PHEX: variants seen among roughly 807,000 people sequenced by gnomAD.
PHEX encodes phosphate regulating endopeptidase X-linked.
A neutral mutation model predicts 68.0 loss-of-function variants in PHEX; 16 were observed. The ratio of observed to expected loss-of-function variants is 0.24; its 90% CI spans 0.16 to 0.36. The LOEUF (loss-of-function observed/expected upper bound fraction) is 0.36, where lower values mean the gene tolerates loss of function less well. Among genes scored for constraint, PHEX ranks in the 10% least tolerant of loss-of-function variants. The pLI is 1.00. For synonymous variants in PHEX, 208 were observed against 205.1 expected (o/e 1.01, Z -0.12); for missense variants, 480 against 575.5 (o/e 0.83, Z 1.70).
chrX:22,145,099 A>G (rs1403800153), intron 12 of PHEX, among the ~76,000 whole-genome samples: 1 of 112,167 alleles, frequency 8.9e-6, no homozygotes, highest in Non-Finnish European at 1.9e-5. Flanking sequence ...TCACAATGCC[A>G]CGTTGTCCCA....
chrX:22,051,314 T>C (rs1743838582), intron 3 of PHEX, among the ~76,000 whole-genome samples: 1 of 112,087 alleles, frequency 8.9e-6, no homozygotes, highest in South Asian at 3.7e-4. Flanking sequence ...GTGGATTGCT[T>C]GAGGTCAGGA....
chrX:22,105,244 A>C, intron 9 of PHEX, among the ~76,000 whole-genome samples: 1 of 112,530 alleles, frequency 8.9e-6, no homozygotes, highest in Non-Finnish European at 1.9e-5. Context: ...TCATATATAC[A>C]TTCAAGTTTA....
chrX:22,035,822 C>G (rs1021918810), intron 1 of PHEX, among the ~76,000 whole-genome samples: 3 of 109,802 alleles, frequency 2.7e-5, no homozygotes, highest in Admixed American at 2.0e-4. Flanking sequence ...AAAGTAACAT[C>G]TTAATTTTTA....
At chrX:22,171,399 T>TGGGGATTACAAGTCCCTCCCTC (rs1569418011) in intron 13 of PHEX, 21 of 109,533 alleles carry the variant, frequency 1.9e-4, no homozygotes, top group African/African-American at 6.3e-4. Context: ...GTCCCTCCCT[T>TGGGGATTACAAGTCCCTCCCTC]GACACGTGGG....
chrX:22,169,880 A>G (rs1034560197), intron 13 of PHEX: 1 of 112,553 alleles, frequency 8.9e-6, no homozygotes, highest in African/African-American at 3.2e-5. Context: ...ACCAAGTCTT[A>G]GTATTGTTGG....
At chrX:22,105,003 G>C (rs1302850885) in intron 9 of PHEX, among the ~76,000 whole-genome samples, 1 of 112,512 alleles carries the variant, frequency 8.9e-6, no homozygotes, top group African/African-American at 3.2e-5. Context: ...ATTAAAGTAA[G>C]ATGATTCTTG....
chrX:22,187,806 G>A (rs1934076560), intron 14 of PHEX, among the ~76,000 whole-genome samples: 1 of 111,886 alleles, frequency 8.9e-6, no homozygotes, highest in South Asian at 3.7e-4. Context: ...ATATGTCTAG[G>A]TTTCGGTTTT....
intron 14 of PHEX, among the ~76,000 whole-genome samples, chrX:22,189,975 A>G (rs766583755): frequency 1.8e-5 from 2 of 112,161 alleles, no homozygotes; most frequent in Admixed American, 1.9e-4. Context: ...GACTTTATTC[A>G]TCTTTCTTTA....
intron 5 of PHEX, among the ~76,000 whole-genome samples, chrX:22,080,893 G>A (rs890505828): frequency 1.8e-5 from 2 of 111,556 alleles, no homozygotes; most frequent in African/African-American, 6.5e-5. Context: ...CGTCATTGAC[G>A]TTCAAATGAA....
chrX:22,155,754 A>G (rs1932936724), intron 12 of PHEX, among the ~76,000 whole-genome samples: 2 of 111,907 alleles, frequency 1.8e-5, no homozygotes, highest in African/African-American at 6.5e-5. Flanking sequence ...ATATATTTCT[A>G]TCTTGATGAA....
rs1930340878 is a variant in PHEX at position 22,099,888 on chromosome X, A to G, written c.1079+737A>G. ...ACATTTTCTTATTTGGACTCAGACA[A>G]GGCTATGTTGCCAGAAGTTACGTTT... On this transcript the variant is annotated intron_variant, in intron 9 of 21. Coordinates refer to ENST00000379374, the MANE Select transcript of PHEX (RefSeq NM_000444.6). 4.5e-5 allele frequency among the ~76,000 whole-genome samples: 5 copies of G among 112,128 alleles called. No individual in the cohort carries two copies. In the Admixed American group the frequency reaches 4.7e-4, roughly 11 times the overall value.
intron 15 of PHEX, among the ~76,000 whole-genome samples, chrX:22,199,535 C>T (rs1047501460): frequency 9.0e-6 from 1 of 111,493 alleles, no homozygotes; most frequent in African/African-American, 3.3e-5. Context: ...CTGTCCAGCT[C>T]TGTGCCACCT....
chrX:22,069,263 A>G (rs781191764), intron 3 of PHEX, among the ~76,000 whole-genome samples: 70 of 112,622 alleles, frequency 6.2e-4, no homozygotes, highest in Admixed American at 2.0e-3. Context: ...CTAAGATACA[A>G]AATATCTAAA....
intron 18 of PHEX, among the ~76,000 whole-genome samples, chrX:22,222,161 A>G (rs761141857): frequency 8.9e-6 from 1 of 111,929 alleles, no homozygotes; most frequent in Non-Finnish European, 1.9e-5. Context: ...CAGAGTCTGT[A>G]TCCTTGAATG....
At chrX:22,210,838 A>G (rs984856325) in intron 15 of PHEX, among the ~76,000 whole-genome samples, 1 of 111,161 alleles carries the variant, frequency 9.0e-6, no homozygotes, top group Non-Finnish European at 1.9e-5. Context: ...TTAATAAAAT[A>G]TAAAGAATAT....
chrX:22,131,074 C>G (rs889626404), intron 11 of PHEX, among the ~76,000 whole-genome samples: 1 of 110,279 alleles, frequency 9.1e-6, no homozygotes, highest in Admixed American at 9.8e-5. Context: ...GAGTCTCGCT[C>G]TGTCACCCAG....
At chrX:22,102,033 G>C (rs914053891) in intron 9 of PHEX, among the ~76,000 whole-genome samples, 1 of 111,520 alleles carries the variant, frequency 9.0e-6, no homozygotes, top group Non-Finnish European at 1.9e-5. Flanking sequence ...GGTAAATGGG[G>C]TATCTATCCC....
intron 9 of PHEX, among the ~76,000 whole-genome samples, chrX:22,101,224 C>G (rs1312724203): frequency 1.8e-5 from 2 of 111,989 alleles, no homozygotes; most frequent in African/African-American, 6.5e-5. Flanking sequence ...CTCTTTCACA[C>G]AGTTTATCCC....
intron 12 of PHEX, among the ~76,000 whole-genome samples, chrX:22,149,563 G>T (rs1932801367): frequency 1.8e-5 from 2 of 112,228 alleles, no homozygotes; most frequent in Non-Finnish European, 3.8e-5. Context: ...AGACCAGCCT[G>T]GCCAACATGG....
Sources: allele counts gnomAD v4.1 joint callset (sites outside exome capture counted in the v4.1 genomes callset), GRCh38; gene constraint gnomAD v4.1.1; transcripts MANE v1.5; gene names NCBI Gene and HGNC (gene_info 2026-07-23, HGNC 2026-07-21).